ANKRD12: variants seen among roughly 807,000 people sequenced by gnomAD.
ANKRD12 encodes ankyrin repeat domain 12.
ANKRD12 carries 85 observed loss-of-function variants against 183.4 expected under a neutral mutation model. That is an observed-to-expected ratio of 0.46 (90% CI 0.39 to 0.56). ANKRD12 has a LOEUF of 0.56. Ranked by LOEUF, ANKRD12 falls within the 20% of genes least tolerant of loss-of-function variation. The probability of loss-of-function intolerance (pLI) is 0.00; values close to 1 mark genes in which losing one functional copy is unlikely to be tolerated. For synonymous variants in ANKRD12, 914 were observed against 800.2 expected, an observed-to-expected ratio of 1.14 and a Z score of -2.40; for missense variants, 2,405 against 2,357.1, an observed-to-expected ratio of 1.02 and a Z score of -0.42.
chr18:9,210,953 T>G (rs527292609), intron 5 of ANKRD12, among the ~76,000 whole-genome samples: 41 of 152,028 alleles, frequency 2.7e-4, no homozygotes, highest in Non-Finnish European at 5.4e-4. Flanking sequence ...AGTTTTTGTT[T>G]TTTTGTAGTT....
chr18:9,155,692 A>G (rs1172957980), intron 1 of ANKRD12, among the ~76,000 whole-genome samples: 1 of 152,176 alleles, frequency 6.6e-6, no homozygotes, highest in East Asian at 1.9e-4. Context: ...AAAACTGTGA[A>G]TGAGTTTGCA....
rs541773687 is a variant in ANKRD12 at position 9,158,515 on chromosome 18, C to T, written c.-52+21550C>T. ...ATTAGAATTTGTCTTAAGTTTTTCT[C>T]ATGATTAGGCTGGGGTTATGGCTTT... is the stretch of plus-strand genomic sequence containing the variant. On this transcript the variant is annotated intron_variant, in intron 1 of 12. Transcript: ENST00000262126. Among the ~76,000 whole-genome samples, 14 of 152,282 alleles carry T rather than the reference C, an allele frequency of 9.2e-5. 1 individual carries two copies. The highest frequency in any genetic ancestry group is 8.3e-4 in the South Asian group (4 of 4,816).
At chr18:9,263,451 G>A (rs2039102293) in intron 9 of ANKRD12, among the ~76,000 whole-genome samples, 2 of 152,122 alleles carry the variant, frequency 1.3e-5, no homozygotes, top group Non-Finnish European at 2.9e-5. Flanking sequence ...TTTCCTGCAT[G>A]TTTATACCAG....
chr18:9,241,164 T>C (rs2074685441), intron 8 of ANKRD12, among the ~76,000 whole-genome samples: 1 of 152,136 alleles, frequency 6.6e-6, no homozygotes, highest in African/African-American at 2.4e-5. Flanking sequence ...TTTTTTAACC[T>C]AGAAGCATAA....
At chr18:9,138,131 A>AT (rs1353226269) in intron 1 of ANKRD12, among the ~76,000 whole-genome samples, 1 of 152,214 alleles carries the variant, frequency 6.6e-6, no homozygotes, top group Non-Finnish European at 1.5e-5. Context: ...GCAGTCATGT[A>AT]TTTCGTTTTC....
At chr18:9,231,211 G>A (rs746952694) in intron 8 of ANKRD12, among the ~76,000 whole-genome samples, 4 of 152,196 alleles carry the variant, frequency 2.6e-5, no homozygotes, top group Non-Finnish European at 5.9e-5. Flanking sequence ...CTGATGAGAA[G>A]AATGTGTATT....
At chr18:9,272,139 C>T (rs1325442004) in intron 10 of ANKRD12, among the ~76,000 whole-genome samples, 1 of 152,154 alleles carries the variant, frequency 6.6e-6, no homozygotes, top group African/African-American at 2.4e-5. Context: ...AGAGGCTCTG[C>T]TCTAGGGGTT....
chr18:9,219,541 G>A (rs1015132022), intron 7 of ANKRD12, among the ~76,000 whole-genome samples: 6 of 152,044 alleles, frequency 3.9e-5, no homozygotes, highest in Non-Finnish European at 8.8e-5. Context: ...GGGCCAAATA[G>A]TAAATATTTT....
chr18:9,177,218 C>T (rs888991036), intron 1 of ANKRD12, among the ~76,000 whole-genome samples: 11 of 152,074 alleles, frequency 7.2e-5, no homozygotes, highest in African/African-American at 2.2e-4. Context: ...GATTGTTACA[C>T]GGAGAATGGA....
Position 9,159,763 on chromosome 18 carries a change from T to TAATTGTTC in ANKRD12, c.-51-22617_-51-22610dup, listed in dbSNP as rs557834470. Among the ~76,000 whole-genome samples the TAATTGTTC allele has an allele frequency of 3.4e-3, 513 of 151,680 alleles. 1 individual carries two copies. Among genetic ancestry groups the TAATTGTTC allele is most frequent in the Middle Eastern group, 0.02 (6 of 294 alleles). The stretch of plus-strand genomic sequence containing the variant: ...CCTTCACCATCCATTTATTAATATT[T>TAATTGTTC]AATTGTTCATTTTCTTTATACATGT... On this transcript the variant is annotated intron_variant, in intron 1 of 12. Coordinates refer to ENST00000262126, the MANE Select transcript of ANKRD12 (RefSeq NM_015208.5).
chr18:9,159,673 T>G (rs2031124828), intron 1 of ANKRD12, among the ~76,000 whole-genome samples: 2 of 151,658 alleles, frequency 1.3e-5, no homozygotes, highest in South Asian at 4.2e-4. Flanking sequence ...TCTCCTGACC[T>G]CGTGATCCAC....
chr18:9,279,456 TAAGA>T (rs2040007361), intron 11 of ANKRD12, 89 bp from the exon 12 acceptor site: 2 of 745,200 alleles, frequency 2.7e-6, no homozygotes, highest in South Asian at 1.7e-5. Context: ...TCATCGTTAC[TAAGA>T]AAGCAGCATA....
intron 8 of ANKRD12, among the ~76,000 whole-genome samples, chr18:9,242,039 GTA>G (rs771136204): frequency 1.3e-5 from 2 of 151,450 alleles, no homozygotes; most frequent in Admixed American, 6.6e-5. Context: ...TTGCACATAT[GTA>G]TATATATACA....
At chr18:9,210,005 AT>A (rs926691936) in intron 5 of ANKRD12, among the ~76,000 whole-genome samples, 39 of 151,372 alleles carry the variant, frequency 2.6e-4, no homozygotes, top group African/African-American at 8.7e-4. Context: ...TTATGGGTTA[AT>A]TTTTTTTTCT....
chr18:9,275,651 T>C lies in ANKRD12; in HGVS notation c.5891T>C (p.Val1964Ala). The C allele has an allele frequency of 6.3e-7, 1 of 1,590,726 alleles. No individual in the cohort carries two copies. Among genetic ancestry groups the C allele is most frequent in the Non-Finnish European group, 8.6e-7 (1 of 1,163,622 alleles). Residue 1964 changes from valine to alanine, a missense_variant, in exon 11 of 13, where the codon GTA becomes GCA. Transcript: ENST00000262126. ...TTGCTGGATGCCGAAGTATACAATG[T>C]ACCATTGGACTCTCAGGTAAAATGT... is the stretch of plus-strand genomic sequence containing the variant. The part of the protein sequence containing the change: ...TVLLDAEVYN[V>A]PLDSQSDDSK...
intron 1 of ANKRD12, among the ~76,000 whole-genome samples, chr18:9,155,657 A>G (rs1362804983): frequency 2.6e-5 from 4 of 152,214 alleles, no homozygotes; most frequent in Non-Finnish European, 4.4e-5. Context: ...TTAAGTGAGA[A>G]GTCATGTCAT....
In ANKRD12 at chr18:9,225,612, G is replaced by A. The variant is rs181034867; in HGVS notation, c.943+3613G>A. 4.3e-3 allele frequency among the ~76,000 whole-genome samples: 645 copies of A among 151,608 alleles called. 12 individuals are homozygous for A. The highest frequency in any genetic ancestry group is 1.2e-3 in the Non-Finnish European group (82 of 67,952). On this transcript the variant is annotated intron_variant, in intron 8 of 12. Coordinates refer to ENST00000262126, the MANE Select transcript of ANKRD12 (RefSeq NM_015208.5). Reference sequence around the variant, plus strand: ...CTCTTATTTTGACATCAATGTTTTCGTCATCACCAGAACCACCTTTTAGCC... The same window carrying A: ...CTCTTATTTTGACATCAATGTTTTCATCATCACCAGAACCACCTTTTAGCC...
intron 1 of ANKRD12, among the ~76,000 whole-genome samples, chr18:9,151,558 C>T (rs1318806688): frequency 1.3e-5 from 2 of 151,882 alleles, no homozygotes; most frequent in African/African-American, 4.8e-5. Flanking sequence ...GGACCTCACG[C>T]TCCCAGATCA....
rs73390200 is a variant in ANKRD12 at position 9,151,351 on chromosome 18, A to G, written c.-52+14386A>G. ...AACAGCAGAAAACATCTAATAATTTATCATTTTGCATTCATAGAAAAAATA... is the reference window on the plus strand; with the variant it reads ...AACAGCAGAAAACATCTAATAATTTGTCATTTTGCATTCATAGAAAAAATA... On this transcript the variant is annotated intron_variant, in intron 1 of 12. Transcript: ENST00000262126. Among the ~76,000 whole-genome samples the G allele has an allele frequency of 4.0e-3, 608 of 152,350 alleles. 3 individuals carry two copies. The highest frequency in any genetic ancestry group is 0.014 in the African/African-American group (574 of 41,578).
Sources: allele counts gnomAD v4.1 joint callset (sites outside exome capture counted in the v4.1 genomes callset), GRCh38; gene constraint gnomAD v4.1.1; transcripts MANE v1.5; gene names NCBI Gene and HGNC (gene_info 2026-07-23, HGNC 2026-07-21).